The following MAN1B1 variants were observed in gnomAD, a reference collection of about 807,000 sequenced individuals.
MAN1B1 encodes mannosidase alpha class 1B member 1.
In MAN1B1, 66 loss-of-function variants were observed where a neutral mutation model predicts 75.5. That is an observed-to-expected ratio of 0.87 (90% CI 0.72 to 1.07). The LOEUF (loss-of-function observed/expected upper bound fraction) is 1.07. Ranked by LOEUF, MAN1B1 falls within the 50% of genes least tolerant of loss-of-function variation. The probability of loss-of-function intolerance (pLI) is 0.00; values close to 1 mark genes in which losing one functional copy is unlikely to be tolerated. For missense variants in MAN1B1, 973 were observed against 912.5 expected (o/e 1.07, Z -0.85); for synonymous variants, 453 against 382.8 (o/e 1.18, Z -2.14).
In MAN1B1 at chr9:137,097,846, C is replaced by A; in HGVS notation, c.639C>A (p.Ile213=). The change falls in exon 5 of 13, where the codon ATC becomes ATA. Residue 213 remains isoleucine, a synonymous_variant. Coordinates refer to ENST00000371589, the MANE Select transcript of MAN1B1 (RefSeq NM_016219.5). ...RTVISWRGAV[I]EPEQGTELPS... Reference sequence around the variant, plus strand: ...CCCGAAGCTGGAGGGGAGCGGTGATCGAGCCTGAGCAGGGCACCGAGCTCC... The same window carrying A: ...CCCGAAGCTGGAGGGGAGCGGTGATAGAGCCTGAGCAGGGCACCGAGCTCC... 1.3e-6 allele frequency: 2 copies of A among 1,555,626 alleles called. No individual in the cohort carries two copies. Among genetic ancestry groups the A allele is most frequent in the Non-Finnish European group, 1.7e-6 (2 of 1,150,004 alleles).
At chr9:137,088,281 A>G (rs1830428852) in intron 2 of MAN1B1, 98 bp downstream of exon 2, 2 of 1,612,002 alleles carry the variant, frequency 1.2e-6, no homozygotes, top group African/African-American at 1.3e-5. Context: ...CAGGAGGCAT[A>G]TATGGCAACG....
chr9:137,090,558 G>A (rs113357493), intron 3 of MAN1B1, among the ~76,000 whole-genome samples: 2 of 149,606 alleles, frequency 1.3e-5, no homozygotes, highest in African/African-American at 4.9e-5. Flanking sequence ...TTTTTTTTTC[G>A]AGGCGGAATC....
chr9:137,102,853 C>T (rs577193240), intron 8 of MAN1B1: 15 of 407,620 alleles, frequency 3.7e-5, no homozygotes, highest in Admixed American at 1.4e-4. Context: ...CTGTTGCAGG[C>T]GTGCAGGTCG....
intron 8 of MAN1B1, chr9:137,105,538 G>A: frequency 3.7e-6 from 1 of 271,422 alleles, no homozygotes; most frequent in Non-Finnish European, 7.2e-6. Flanking sequence ...TCTGCGTTGG[G>A]TAGAGACCCG....
At chr9:137,107,807 A>G (rs1831172588) in intron 12 of MAN1B1, 145 bp downstream of exon 12, 1 of 1,172,186 alleles carries the variant, frequency 8.5e-7, no homozygotes, top group Non-Finnish European at 1.2e-6. Flanking sequence ...CGGGGTGGCC[A>G]CACTGCAGCT....
Position 137,096,495 on chromosome 9 carries a change from C to G in MAN1B1, c.620+104C>G, listed in dbSNP as rs1227084907. ...GTCTGAGATCTATTTTCCTTTGAAACTGACAGTGTATGCTCTGTAATCTGT... is the reference window on the plus strand; with the variant it reads ...GTCTGAGATCTATTTTCCTTTGAAAGTGACAGTGTATGCTCTGTAATCTGT... On this transcript the variant is annotated intron_variant, in intron 4 of 12. Transcript: ENST00000371589. 6.3e-6 allele frequency: 9 copies of G among 1,429,978 alleles called. No homozygotes were observed. The East Asian group carries it at 2.2e-4, about 35-fold the overall frequency. 88.6% of individuals were successfully genotyped at this position (1,429,978 alleles called of 1,614,324 possible). A position where few individuals can be genotyped will look rare whatever the true frequency, so the allele number is the denominator to read the frequency against.
Position 137,097,907 on chromosome 9 carries a change from CT to C in MAN1B1, c.701del (p.Leu234ArgfsTer13). 6.4e-7 allele frequency: 1 copy of C among 1,559,866 alleles called. No homozygotes were observed. Among genetic ancestry groups the C allele is most frequent in the Non-Finnish European group, 8.7e-7 (1 of 1,152,340 alleles). On this transcript the variant is annotated frameshift_variant, in exon 5 of 13. Transcript: ENST00000371589. LOFTEE classifies it high-confidence loss of function. The stretch of plus-strand genomic sequence containing the variant: ...AGCAGAAGTGCCCACCAAGCCTCCC[CT>C]GCCACCGGCCAGGACACAGGGCACA... ...RRAEVPTKPP[L>X]PPARTQGTPV... is the part of the protein sequence containing the mutation.
At position 137,097,789 on chromosome 9, in the gene MAN1B1, T is replaced by C. The variant is rs201037061; in HGVS notation, c.621-39T>C. On this transcript the variant is annotated intron_variant, in intron 4 of 12. Transcript: ENST00000371589. Reference sequence around the variant, plus strand: ...GGGGTGGGAAACATGGAGCCACAAATGTTTGACGGCAGCTGACACCCTTCC... The same window carrying C: ...GGGGTGGGAAACATGGAGCCACAAACGTTTGACGGCAGCTGACACCCTTCC... 1,295 of 1,447,964 alleles carry C rather than the reference T, an allele frequency of 8.9e-4. 5 individuals carry two copies. The highest frequency in any genetic ancestry group is 3.8e-3 in the Middle Eastern group (22 of 5,762). The allele number at this position is 1,447,964 out of a possible 1,614,324, so 89.7% of individuals were successfully genotyped here. A position where few individuals can be genotyped will look rare whatever the true frequency, so the allele number is the denominator to read the frequency against.
intron 2 of MAN1B1, 165 bp downstream of exon 2, chr9:137,088,348 A>T: frequency 6.3e-7 from 1 of 1,596,860 alleles, no homozygotes; most frequent in Non-Finnish European, 8.5e-7. Context: ...CCACCTGGCT[A>T]GAACACAGAT....
At chr9:137,101,764 T>C in intron 8 of MAN1B1, 92 bp downstream of exon 8, 2 of 1,412,156 alleles carry the variant, frequency 1.4e-6, no homozygotes, top group Non-Finnish European at 2.0e-6. Context: ...TGTATGTGCA[T>C]GTGTGTTTTC....
rs1164484724 is a variant in MAN1B1 at position 137,108,433 on chromosome 9, C to T, written c.1942C>T (p.Gln648Ter). The change falls in exon 13 of 13, where the codon CAG becomes TAG. Residue 648 changes from glutamine (Q) to a stop codon, truncating the protein, a stop_gained. Transcript: ENST00000371589. LOFTEE classifies it high-confidence loss of function. Reference protein sequence around the residue: ...YSSINNVQDPQKPEPRDKMES... With the variant: ...YSSINNVQDP ...TTCCATCAACAATGTCCAGGATCCTCAGAAGCCCGAGCCTAGGGACAAGAT... is the reference window on the plus strand; with the variant it reads ...TTCCATCAACAATGTCCAGGATCCTTAGAAGCCCGAGCCTAGGGACAAGAT... The T allele has an allele frequency of 6.2e-7, 1 of 1,613,754 alleles. No individual in the cohort carries two copies. The highest frequency in any genetic ancestry group is 8.5e-7 in the Non-Finnish European group (1 of 1,180,020).
intron 1 of MAN1B1, 111 bp from the exon 2 acceptor site, chr9:137,087,964 T>A: frequency 1.1e-6 from 1 of 914,438 alleles, no homozygotes. Flanking sequence ...GAAATAGAGC[T>A]GAACACTGGA....
At chr9:137,103,488 AC>A in intron 8 of MAN1B1, 2 of 421,792 alleles carry the variant, frequency 4.7e-6, no homozygotes, top group South Asian at 3.3e-5. Context: ...GGTCAGTGGT[AC>A]ACACATTCAC....
chr9:137,094,032 T>G (rs1288636066), intron 3 of MAN1B1, among the ~76,000 whole-genome samples: 1 of 150,868 alleles, frequency 6.6e-6, no homozygotes, highest in Non-Finnish European at 1.5e-5. Context: ...TTTTTTTTTT[T>G]GAGACAGAGT....
intron 3 of MAN1B1, among the ~76,000 whole-genome samples, chr9:137,089,812 G>A (rs1288376789): frequency 6.6e-6 from 1 of 152,152 alleles, no homozygotes; most frequent in African/African-American, 2.4e-5. Context: ...CCCGGGTGGA[G>A]GGGCCAGCAA....
intron 6 of MAN1B1, 120 bp downstream of exon 6, chr9:137,100,001 TCTC>T (rs1422721105): frequency 4.1e-6 from 5 of 1,212,228 alleles, no homozygotes; most frequent in Non-Finnish European, 4.8e-6. Flanking sequence ...GGTTTTCCCT[TCTC>T]CTGGGTGCGG....
chr9:137,106,384 C>T (rs1363657009), intron 9 of MAN1B1, 69 bp downstream of exon 9: 11 of 1,397,398 alleles, frequency 7.9e-6, no homozygotes, highest in East Asian at 5.0e-5. Context: ...CTCCTGCTGC[C>T]CCCAGCTCCC....
intron 8 of MAN1B1, chr9:137,103,254 C>T (rs202168649): frequency 0.033 from 11,450 of 350,128 alleles, 219 homozygotes; most frequent in Middle Eastern, 0.045. Context: ...GCGTGCAGGT[C>T]GGTGTTACAC....
chr9:137,106,642 G>C, intron 9 of MAN1B1, 47 bp from the exon 10 acceptor site: 1 of 1,612,212 alleles, frequency 6.2e-7, no homozygotes, highest in Non-Finnish European at 8.5e-7. Context: ...CCCCACGGGA[G>C]CCGATGCACC....
Sources: allele counts gnomAD v4.1 joint callset (sites outside exome capture counted in the v4.1 genomes callset), GRCh38; gene constraint gnomAD v4.1.1; transcripts MANE v1.5; gene names NCBI Gene and HGNC (gene_info 2026-07-23, HGNC 2026-07-21).